The following KLRG1 variants were observed in gnomAD, a reference collection of about 807,000 sequenced individuals.
The protein encoded by KLRG1 is killer cell lectin like receptor G1.
KLRG1 carries 16 observed loss-of-function variants against 21.8 expected under a neutral mutation model. The observed-to-expected ratio is 0.73, with a 90% CI of 0.50 to 1.11. KLRG1 has a LOEUF of 1.11. KLRG1 is among the 50% of genes most tolerant of loss of function. The probability of loss-of-function intolerance (pLI) is 0.00; values close to 1 mark genes in which losing one functional copy is unlikely to be tolerated. For missense variants in KLRG1, 173 were observed against 218.3 expected (o/e 0.79, Z 1.31); for synonymous variants, 69 against 75.9 (o/e 0.91, Z 0.47).
chr12:9,150,316 A>C, the KLRG1 span, among the ~76,000 whole-genome samples: 2 of 152,026 alleles, frequency 1.3e-5, no homozygotes. Flanking sequence ...GGAGTCTCGC[A>C]CCGTCACCTG....
chr12:9,106,294 T>C, the KLRG1 span: 4 of 1,613,624 alleles, frequency 2.5e-6, no homozygotes, highest in East Asian at 8.9e-5. Flanking sequence ...AAATGAGAGT[T>C]TGGTTATGGT....
chr12:9,196,680 G>C, the KLRG1 span: 1 of 1,600,410 alleles, frequency 6.2e-7, no homozygotes, highest in Admixed American at 1.7e-5. Context: ...AGCCATTGCT[G>C]TTAAGCTGAG....
chr12:9,162,757 A>G, the KLRG1 span: 2 of 898,984 alleles, frequency 2.2e-6, no homozygotes, highest in Non-Finnish European at 3.4e-6. Flanking sequence ...GATGTTTACC[A>G]TCCTACTCTT....
At chr12:9,077,002 T>C in the KLRG1 span, 3 of 1,444,858 alleles carry the variant, frequency 2.1e-6, no homozygotes, top group Non-Finnish European at 2.8e-6. Context: ...CCCAGGCAAA[T>C]ACACGGATCA....
the KLRG1 span, chr12:9,160,996 C>T: frequency 6.7e-6 from 10 of 1,487,016 alleles, no homozygotes; most frequent in Admixed American, 1.5e-4. Flanking sequence ...AGTGGCAACT[C>T]TTTTGGCCCA....
chr12:8,964,025 C>G (rs1275763132), intron 1 of KLRG1, among the ~76,000 whole-genome samples: 4 of 152,060 alleles, frequency 2.6e-5, no homozygotes, highest in Non-Finnish European at 5.9e-5. Context: ...TTTTTTGTGT[C>G]TCTATCTCCT....
At chr12:9,168,681 TA>T in the KLRG1 span, 473 of 488,956 alleles carry the variant, frequency 9.7e-4, no homozygotes, top group Middle Eastern at 1.9e-3. Context: ...CGGATGTATC[TA>T]AAAAAAAATC....
chr12:9,127,584 C>T, the KLRG1 span, among the ~76,000 whole-genome samples: 11 of 152,140 alleles, frequency 7.2e-5, no homozygotes, highest in African/African-American at 1.9e-4. Context: ...GCAGCGGCTC[C>T]GTGCACTTTG....
chr12:8,951,642 T>A lies in KLRG1; in HGVS notation c.-156+1406T>A, dbSNP rs369573941. On this transcript the variant is annotated intron_variant, in intron 1 of 4. Transcript: ENST00000539240. ...ATCAAGTAACTCAACACAGCTTTAC[T>A]GAGCAATTACTATGTGCCAAAACCA... 1.1e-4 allele frequency among the ~76,000 whole-genome samples: 16 copies of A among 152,344 alleles called. No individual in the cohort carries two copies. In the South Asian group the frequency reaches 3.3e-3, roughly 32 times the overall value.
At chr12:8,974,818 C>T (rs921106882) in intron 1 of KLRG1, among the ~76,000 whole-genome samples, 1 of 151,788 alleles carries the variant, frequency 6.6e-6, no homozygotes, top group Non-Finnish European at 1.5e-5. Context: ...GGACATTTGT[C>T]TGTAGTTTCC....
the KLRG1 span, among the ~76,000 whole-genome samples, chr12:9,026,297 A>C: frequency 6.6e-6 from 1 of 152,384 alleles, no homozygotes; most frequent in South Asian, 2.1e-4. Context: ...AAAACACCAC[A>C]GTGAACATTT....
chr12:9,009,332 A>G (rs1230141836), intron 4 of KLRG1, 94 bp from the exon 5 acceptor site: 8 of 1,492,954 alleles, frequency 5.4e-6, no homozygotes, highest in Non-Finnish European at 7.2e-6. Context: ...CTGAATAGGG[A>G]GACAGAATTT....
the KLRG1 span, chr12:9,072,689 G>A: frequency 1.2e-6 from 2 of 1,614,050 alleles, no homozygotes; most frequent in Admixed American, 1.7e-5. Context: ...TCACTTTCAT[G>A]CTGTATTCCC....
chr12:9,161,910 T>C, the KLRG1 span, among the ~76,000 whole-genome samples: 1 of 152,200 alleles, frequency 6.6e-6, no homozygotes, highest in African/African-American at 2.4e-5. Flanking sequence ...AGACTATCTC[T>C]TGGGATTCAA....
the KLRG1 span, chr12:9,072,326 T>C: frequency 6.2e-7 from 1 of 1,608,518 alleles, no homozygotes; most frequent in South Asian, 1.1e-5. Context: ...GTGGTTATTC[T>C]TAGGATTAGG....
chr12:9,016,760 T>C, the KLRG1 span, among the ~76,000 whole-genome samples: 1 of 151,970 alleles, frequency 6.6e-6, no homozygotes, highest in African/African-American at 2.4e-5. Flanking sequence ...ATTACAGGTG[T>C]GCGTCACCAC....
intron 1 of KLRG1, among the ~76,000 whole-genome samples, chr12:8,972,348 G>A (rs1389080738): frequency 1.3e-5 from 2 of 152,108 alleles, no homozygotes; most frequent in Non-Finnish European, 2.9e-5. Context: ...TAGTAGAGAC[G>A]GGGTTGCACC....
At chr12:9,016,666 G>T in the KLRG1 span, among the ~76,000 whole-genome samples, 2 of 152,264 alleles carry the variant, frequency 1.3e-5, no homozygotes, top group East Asian at 3.9e-4. Flanking sequence ...AGGCTGGAGT[G>T]CAGTGGCACG....
intron 1 of KLRG1, among the ~76,000 whole-genome samples, chr12:8,950,470 A>T (rs1183275163): frequency 2.0e-5 from 3 of 151,698 alleles, no homozygotes; most frequent in Non-Finnish European, 4.4e-5. Context: ...TCATTCTTAA[A>T]CTCTGTTCAG....
Sources: gnomAD v4.1 joint callset for allele counts (sites outside exome capture counted in the v4.1 genomes callset) on GRCh38, gnomAD v4.1.1 for gene constraint, MANE v1.5 for transcripts, NCBI Gene and HGNC (gene_info 2026-07-23, HGNC 2026-07-21) for gene names.